Variants in WLS observed in about 807,000 individuals in gnomAD.
WLS encodes protein wntless homolog.
Under a neutral mutation model 62.8 loss-of-function variants are expected in WLS, and 23 were observed. That is an observed-to-expected ratio of 0.37 (90% CI 0.26 to 0.52). The LOEUF (loss-of-function observed/expected upper bound fraction) is 0.52. Among genes scored for constraint, WLS ranks in the 20% least tolerant of loss-of-function variants. The probability of loss-of-function intolerance (pLI) is 0.92; values close to 1 mark genes in which losing one functional copy is unlikely to be tolerated. For synonymous variants in WLS, 246 were observed against 244.1 expected, an observed-to-expected ratio of 1.01 and a Z score of -0.07; for missense variants, 615 against 697.3, an observed-to-expected ratio of 0.88 and a Z score of 1.33.
chr1:68,162,048 G>T, intron 2 of WLS: 1 of 1,591,558 alleles, frequency 6.3e-7, no homozygotes, highest in Non-Finnish European at 8.6e-7. Flanking sequence ...TTTCTGGGAT[G>T]TGACCTGTGA....
At chr1:68,174,590 T>C (rs1647204186) in intron 2 of WLS, among the ~76,000 whole-genome samples, 1 of 152,208 alleles carries the variant, frequency 6.6e-6, no homozygotes, top group South Asian at 2.1e-4. Flanking sequence ...AGAACTCTGC[T>C]GCTCCTCCCT....
intron 11 of WLS, among the ~76,000 whole-genome samples, chr1:68,110,705 GTGTGTA>G (rs1557446408): frequency 6.8e-6 from 1 of 147,098 alleles, no homozygotes; most frequent in Non-Finnish European, 1.5e-5. Flanking sequence ...ATATATATGT[GTGTGTA>G]TGTGTATGTA....
intron 11 of WLS, among the ~76,000 whole-genome samples, chr1:68,109,319 T>A (rs1330780386): frequency 5.9e-5 from 9 of 152,216 alleles, no homozygotes; most frequent in Non-Finnish European, 1.3e-4. Flanking sequence ...GTCCTTAGAT[T>A]TCCGTGGATT....
chr1:68,192,159 T>C (rs1648346948), intron 2 of WLS, among the ~76,000 whole-genome samples: 1 of 152,132 alleles, frequency 6.6e-6, no homozygotes, highest in Admixed American at 6.5e-5. Context: ...GGCAAGAGAA[T>C]GAATGAATGA....
intron 11 of WLS, among the ~76,000 whole-genome samples, chr1:68,111,463 G>C: frequency 6.6e-6 from 1 of 152,120 alleles, no homozygotes; most frequent in East Asian, 1.9e-4. Context: ...AGGGCTGCTC[G>C]GTTCTCATTT....
chr1:68,227,202 CGGCCAACCCGGTGAAACCCCGCCT>C (rs1009844986), intron 1 of WLS, among the ~76,000 whole-genome samples: 14 of 151,988 alleles, frequency 9.2e-5, no homozygotes, highest in African/African-American at 2.2e-4. Flanking sequence ...GAGACCAGCC[CGGCCAACCCGGTGAAACCCCGCCT>C]GGCCAACCTG....
chr1:68,156,788 C>G (rs1203959750), intron 3 of WLS, among the ~76,000 whole-genome samples: 1 of 152,196 alleles, frequency 6.6e-6, no homozygotes, highest in African/African-American at 2.4e-5. Flanking sequence ...ACTCCTTTCT[C>G]TCTTATACTT....
At chr1:68,204,415 G>A (rs562409063) in intron 1 of WLS, among the ~76,000 whole-genome samples, 2 of 152,160 alleles carry the variant, frequency 1.3e-5, no homozygotes, top group South Asian at 4.2e-4. Context: ...CGCCTCCCGG[G>A]TTCACGCCAT....
At chr1:68,151,214 A>C (rs1646821357) in intron 5 of WLS, among the ~76,000 whole-genome samples, 1 of 152,138 alleles carries the variant, frequency 6.6e-6, no homozygotes, top group Non-Finnish European at 1.5e-5. Flanking sequence ...TTTGGAGGAG[A>C]GGGCAGAGCC....
At chr1:68,114,389 G>A (rs1007446049) in intron 11 of WLS, among the ~76,000 whole-genome samples, 3 of 152,134 alleles carry the variant, frequency 2.0e-5, no homozygotes, top group African/African-American at 7.2e-5. Flanking sequence ...GTCATTTCAT[G>A]GGCTATATAT....
chr1:68,202,992 A>G (rs1202357933), intron 1 of WLS: 1 of 152,216 alleles, frequency 6.6e-6, no homozygotes, highest in Non-Finnish European at 1.5e-5. Context: ...TAGAAGAAAC[A>G]CAGTCAGTGG....
intron 11 of WLS, among the ~76,000 whole-genome samples, chr1:68,109,498 C>T (rs12732391): frequency 0.47 from 70,830 of 151,932 alleles, 16,793 homozygotes; most frequent in Middle Eastern, 0.54. Context: ...ATAATAATTA[C>T]AAAATTCATT....
chr1:68,138,868 A>C (rs1268823397), intron 10 of WLS, among the ~76,000 whole-genome samples: 1 of 152,186 alleles, frequency 6.6e-6, no homozygotes, highest in Non-Finnish European at 1.5e-5. Flanking sequence ...GCGTTGTATA[A>C]ACTTTCTCTA....
intron 2 of WLS, among the ~76,000 whole-genome samples, chr1:68,182,563 T>C (rs754013990): frequency 6.6e-6 from 1 of 152,244 alleles, no homozygotes; most frequent in Non-Finnish European, 1.5e-5. Flanking sequence ...TGATTCATAC[T>C]GGTAACTTCC....
At chr1:68,170,514 T>C (rs1436781633) in intron 2 of WLS, among the ~76,000 whole-genome samples, 1 of 152,148 alleles carries the variant, frequency 6.6e-6, no homozygotes, top group Non-Finnish European at 1.5e-5. Flanking sequence ...CTACACCTGC[T>C]GTACTCAGGG....
At chr1:68,138,254 T>A in intron 10 of WLS, 1 of 262,324 alleles carries the variant, frequency 3.8e-6, no homozygotes, top group East Asian at 8.5e-5. Flanking sequence ...AGCCCATCAC[T>A]TATTCACAAT....
intron 10 of WLS, 33 bp downstream of exon 10, chr1:68,144,536 C>T (rs1053387914): frequency 1.3e-6 from 2 of 1,595,984 alleles, no homozygotes; most frequent in African/African-American, 2.7e-5. Flanking sequence ...TCTGCAGAGA[C>T]ATTCTCACCT....
intron 11 of WLS, among the ~76,000 whole-genome samples, chr1:68,136,865 G>A (rs1223965364): frequency 6.6e-6 from 1 of 152,156 alleles, no homozygotes; most frequent in African/African-American, 2.4e-5. Flanking sequence ...GGCTCTGGGG[G>A]GCTGCTACCC....
intron 1 of WLS, among the ~76,000 whole-genome samples, chr1:68,207,970 G>GGT (rs1175101433): frequency 4.6e-5 from 7 of 152,170 alleles, no homozygotes; most frequent in African/African-American, 1.7e-4. Context: ...TGCCCTGAGG[G>GGT]GTGTGTTCAT....
Sources: gnomAD v4.1 joint callset for allele counts (sites outside exome capture counted in the v4.1 genomes callset) on GRCh38, gnomAD v4.1.1 for gene constraint, MANE v1.5 for transcripts, NCBI Gene and HGNC (gene_info 2026-07-23, HGNC 2026-07-21) for gene names.